STX1B: variants seen among roughly 807,000 people sequenced by gnomAD.
STX1B encodes syntaxin-1B.
STX1B carries 7 observed loss-of-function variants against 39.4 expected under a neutral mutation model. That is an observed-to-expected ratio of 0.18 (90% CI 0.10 to 0.33). STX1B has a LOEUF of 0.33. Ranked by LOEUF, STX1B falls within the 10% of genes least tolerant of loss-of-function variation. The pLI is 1.00. For missense variants in STX1B, 198 were observed against 383.2 expected (o/e 0.52, Z 4.04); for synonymous variants, 136 against 144.1 (o/e 0.94, Z 0.40).
At chr16:31,006,356 C>G (rs1425639203) in intron 1 of STX1B, among the ~76,000 whole-genome samples, 1 of 152,180 alleles carries the variant, frequency 6.6e-6, no homozygotes, top group African/African-American at 2.4e-5. Context: ...GCCTTACCCC[C>G]TGCCCCTTTC....
intron 1 of STX1B, among the ~76,000 whole-genome samples, chr16:31,006,631 A>G (rs971783657): frequency 2.0e-5 from 3 of 152,130 alleles, no homozygotes; most frequent in African/African-American, 7.2e-5. Context: ...TTGTGGAAGG[A>G]TTTCTACAGG....
intron 7 of STX1B, among the ~76,000 whole-genome samples, chr16:30,993,990 A>G (rs2056577214): frequency 6.6e-6 from 1 of 151,220 alleles, no homozygotes; most frequent in African/African-American, 2.4e-5. Context: ...CCATCTCAAA[A>G]AAAAAAAAAG....
At chr16:30,995,382 C>A (rs2056586718) in intron 7 of STX1B, among the ~76,000 whole-genome samples, 1 of 152,152 alleles carries the variant, frequency 6.6e-6, no homozygotes, top group Non-Finnish European at 1.5e-5. Flanking sequence ...AACCCTTAAC[C>A]AGAGTCATTT....
At chr16:30,993,099 C>A (rs759959500) in intron 9 of STX1B, 31 bp downstream of exon 9, 4 of 1,605,530 alleles carry the variant, frequency 2.5e-6, no homozygotes, top group Non-Finnish European at 3.4e-6. Context: ...TGGGCTCCCC[C>A]GCCTACCCCC....
In STX1B at chr16:30,989,952, C is replaced by T. The variant is rs917055415; in HGVS notation, c.*2869G>A. The T allele has an allele frequency of 6.6e-6, 1 of 152,286 alleles. No homozygotes were observed. Among genetic ancestry groups the T allele is most frequent in the Non-Finnish European group, 1.5e-5 (1 of 68,114 alleles). 9.4% of individuals were successfully genotyped at this position (152,286 alleles called of 1,614,324 possible). On this transcript the variant is annotated 3_prime_UTR_variant, in exon 10 of 10. Transcript: ENST00000215095. ...CCTGGGCAGGTAGCACACATTTGTC[C>T]AAGAACATGCAAAAGACACCAGCCT... is the stretch of plus-strand genomic sequence containing the variant.
intron 1 of STX1B, among the ~76,000 whole-genome samples, chr16:31,003,705 A>G (rs999738858): frequency 1.3e-5 from 2 of 152,118 alleles, no homozygotes; most frequent in Non-Finnish European, 2.9e-5. Context: ...TGGGCTACCT[A>G]TTTGTTTGCC....
chr16:31,010,294 C>G, intron 1 of STX1B, 73 bp downstream of exon 1: 9 of 839,166 alleles, frequency 1.1e-5, no homozygotes, highest in Non-Finnish European at 1.5e-5. Context: ...CCCAGCACCT[C>G]CCCCACTCCA....
intron 1 of STX1B, among the ~76,000 whole-genome samples, chr16:31,002,171 C>T (rs1173597902): frequency 6.6e-6 from 1 of 152,080 alleles, no homozygotes; most frequent in African/African-American, 2.4e-5. Flanking sequence ...CCCTGTGCCC[C>T]CCTCTTCCCG....
rs1215784872 is a variant in STX1B, at chr16:31,010,525, G to A, written c.-129C>T. ...GCCGCGGCCGCTGCGGGGGGCCTGC[G>A]GGCGGGGGCGGGGCCGGGGGCGACT... On this transcript the variant is annotated 5_prime_UTR_variant, in exon 1 of 10. Coordinates refer to ENST00000215095, the MANE Select transcript of STX1B (RefSeq NM_052874.5). 7 of 376,216 alleles carry A rather than the reference G, an allele frequency of 1.9e-5. No homozygotes were observed. The highest frequency in any genetic ancestry group is 2.4e-5 in the Non-Finnish European group (6 of 254,396). 23.3% of individuals were successfully genotyped at this position (376,216 alleles called of 1,614,324 possible).
Position 30,992,813 on chromosome 16 carries a change from G to T in STX1B, c.*8C>A. 1.9e-6 allele frequency: 3 copies of T among 1,591,902 alleles called. No individual in the cohort carries two copies. The highest frequency in any genetic ancestry group is 1.7e-5 in the Admixed American group (1 of 59,722). ...GAAGGGTCTGGGAGAGAGAAGGGTG[G>T]GGGGGGCCTACAAGCCCAGCGTCCC... On this transcript the variant is annotated 3_prime_UTR_variant, in exon 10 of 10. Transcript: ENST00000215095.
At chr16:31,008,736 A>T (rs2056666630) in intron 1 of STX1B, among the ~76,000 whole-genome samples, 1 of 152,180 alleles carries the variant, frequency 6.6e-6, no homozygotes, top group African/African-American at 2.4e-5. Context: ...GACAGCACCG[A>T]TGCTGAAGCC....
chr16:30,993,079 G>A lies in STX1B; in HGVS notation c.786+51C>T, dbSNP rs367594499. 9 of 1,564,730 alleles carry A rather than the reference G, an allele frequency of 5.8e-6. No individual in the cohort carries two copies. In the African/African-American group the frequency reaches 8.1e-5, roughly 14 times the overall value. On this transcript the variant is annotated intron_variant, in intron 9 of 9. Coordinates refer to ENST00000215095, the MANE Select transcript of STX1B (RefSeq NM_052874.5). The stretch of plus-strand genomic sequence containing the variant: ...CGCTGCCATCACTCACCTCAGCCCG[G>A]GCTCAGCCTTGGGCTCCCCCGCCTA...
chr16:30,992,512 G>T lies in STX1B; in HGVS notation c.*309C>A, dbSNP rs1255420047. Reference sequence around the variant, plus strand: ...CACACCCAAGGTGGGGGTGGAGGGGGTGCTCTGGTGCATCACACACATCAC... The same window carrying T: ...CACACCCAAGGTGGGGGTGGAGGGGTTGCTCTGGTGCATCACACACATCAC... On this transcript the variant is annotated 3_prime_UTR_variant, in exon 10 of 10. Coordinates refer to ENST00000215095, the MANE Select transcript of STX1B (RefSeq NM_052874.5). 12 of 318,538 alleles carry T rather than the reference G, an allele frequency of 3.8e-5. No individual in the cohort carries two copies. The highest frequency in any genetic ancestry group is 6.5e-5 in the Non-Finnish European group (11 of 169,370). 19.7% of individuals were successfully genotyped at this position (318,538 alleles called of 1,614,324 possible). A position where few individuals can be genotyped will look rare whatever the true frequency, so the allele number is the denominator to read the frequency against.
chr16:31,010,092 C>A (rs1339508988), intron 1 of STX1B, among the ~76,000 whole-genome samples: 1 of 152,128 alleles, frequency 6.6e-6, no homozygotes. Flanking sequence ...CCAGACCAGA[C>A]CCCGGGGCCC....
chr16:30,998,762 T>C (rs537442432), intron 4 of STX1B, among the ~76,000 whole-genome samples: 70 of 152,170 alleles, frequency 4.6e-4, no homozygotes, highest in Non-Finnish European at 7.9e-4. Flanking sequence ...GCTTCTTTCT[T>C]GGTCTATTCC....
Position 31,001,118 on chromosome 16 carries a change from G to A in STX1B, c.181C>T (p.Leu61=). ...EQVKKQHSAI[L]AAPNPDEKTK... ...CTCTCATCTGGGTTGGGTGCGGCCA[G>A]GATGGCGCTATGCTGTTTTTTCACC... The change falls in exon 3 of 10, where the codon CTG becomes TTG. Residue 61 remains leucine (L), a synonymous_variant. Coordinates refer to ENST00000215095, the MANE Select transcript of STX1B (RefSeq NM_052874.5). This position sits in a 1 kb window ranked among gnomAD's most constrained non-coding sequence, Gnocchi z 5.5. 6.2e-7 allele frequency: 1 copy of A among 1,614,190 alleles called. No individual in the cohort carries two copies. Among genetic ancestry groups the A allele is most frequent in the Non-Finnish European group, 8.5e-7 (1 of 1,180,028 alleles).
At chr16:30,997,691 T>A in intron 4 of STX1B, 116 bp from the exon 5 acceptor site, 1 of 976,964 alleles carries the variant, frequency 1.0e-6, no homozygotes, top group Non-Finnish European at 1.5e-6. Context: ...AGAAACGTCA[T>A]CCCCAGGGCG....
intron 1 of STX1B, among the ~76,000 whole-genome samples, chr16:31,007,759 C>T (rs1372527635): frequency 6.6e-6 from 1 of 152,188 alleles, no homozygotes; most frequent in Non-Finnish European, 1.5e-5. Flanking sequence ...AATAAACAAG[C>T]CATCTGCTGG....
At position 30,991,416 on chromosome 16, in the gene STX1B, C is replaced by T. The variant is rs1355216374; in HGVS notation, c.*1405G>A. 6.5e-6 allele frequency: 1 copy of T among 152,912 alleles called. No homozygotes were observed. Among genetic ancestry groups the T allele is most frequent in the East Asian group, 1.9e-4 (1 of 5,194 alleles). 9.5% of individuals were successfully genotyped at this position (152,912 alleles called of 1,614,324 possible). ...ATGTAGCCGTGTGTGGCCACACCAG[C>T]ACTGGGCAGCACCTCTGGGGAGGGG... On this transcript the variant is annotated 3_prime_UTR_variant, in exon 10 of 10. Coordinates refer to ENST00000215095, the MANE Select transcript of STX1B (RefSeq NM_052874.5).
Sources: gnomAD v4.1 joint callset for allele counts (sites outside exome capture counted in the v4.1 genomes callset) on GRCh38, gnomAD v4.1.1 for gene constraint, Gnocchi (gnomAD v3.1) non-coding constraint, MANE v1.5 for transcripts, NCBI Gene and HGNC (gene_info 2026-07-23, HGNC 2026-07-21) for gene names.